SF3B1: variants seen among roughly 807,000 people sequenced by gnomAD.
The protein encoded by SF3B1 is pre-mRNA processing 10.
A neutral mutation model predicts 153.8 loss-of-function variants in SF3B1; 12 were observed. The ratio of observed to expected loss-of-function variants is 0.08; its 90% CI spans 0.05 to 0.13. The LOEUF (loss-of-function observed/expected upper bound fraction) is 0.13. Ranked by LOEUF, SF3B1 falls within the 10% of genes least tolerant of loss-of-function variation. SF3B1 has a pLI of 1.00. For synonymous variants in SF3B1, 498 were observed against 525.2 expected, an observed-to-expected ratio of 0.95 and a Z score of 0.71; for missense variants, 513 against 1,606.1, an observed-to-expected ratio of 0.32 and a Z score of 11.63.
At chr2:197,430,892 T>C (rs557964442) in intron 1 of SF3B1, among the ~76,000 whole-genome samples, 7 of 152,286 alleles carry the variant, frequency 4.6e-5, no homozygotes, top group African/African-American at 1.7e-4. Context: ...GTTTGCAGTC[T>C]CAAGCAATCC....
chr2:197,425,074 T>C (rs1313445420), intron 1 of SF3B1, among the ~76,000 whole-genome samples: 1 of 151,922 alleles, frequency 6.6e-6, no homozygotes, highest in Non-Finnish European at 1.5e-5. Context: ...CAGAACTGCT[T>C]GAACCCGGGA....
At chr2:197,398,973 T>C (rs1393100847) in intron 20 of SF3B1, 1 of 1,118,092 alleles carries the variant, frequency 8.9e-7, no homozygotes, top group African/African-American at 1.6e-5. Flanking sequence ...CCTTACCCTT[T>C]AACTGCAAAA....
chr2:197,395,885 T>A (rs2084869895), intron 23 of SF3B1, among the ~76,000 whole-genome samples, 171 bp downstream of exon 23: 1 of 152,238 alleles, frequency 6.6e-6, no homozygotes, highest in South Asian at 2.1e-4. Flanking sequence ...CACTACAGCG[T>A]GCACATTATT....
intron 1 of SF3B1, among the ~76,000 whole-genome samples, chr2:197,431,976 T>C (rs1252859504): frequency 6.6e-6 from 1 of 151,818 alleles, no homozygotes; most frequent in Non-Finnish European, 1.5e-5. Flanking sequence ...ATTGTAAAAA[T>C]TAGCCAGGCA....
At chr2:197,410,270 T>C (rs1399038066) in intron 6 of SF3B1, among the ~76,000 whole-genome samples, 3 of 152,120 alleles carry the variant, frequency 2.0e-5, no homozygotes, top group African/African-American at 7.2e-5. Context: ...ATATGAATCT[T>C]TGATATGCCA....
intron 1 of SF3B1, among the ~76,000 whole-genome samples, chr2:197,432,643 G>A (rs1208020979): frequency 4.6e-5 from 7 of 152,194 alleles, no homozygotes; most frequent in African/African-American, 1.7e-4. Flanking sequence ...GCCAAGGTGG[G>A]AGGATCACTT....
intron 2 of SF3B1, among the ~76,000 whole-genome samples, chr2:197,422,546 TATAATA>T (rs901025641): frequency 6.6e-6 from 1 of 151,624 alleles, no homozygotes; most frequent in African/African-American, 2.4e-5. Flanking sequence ...GAATTTAAAG[TATAATA>T]ATAATAAAAA....
At chr2:197,422,252 GAA>G (rs1030313374) in intron 2 of SF3B1, among the ~76,000 whole-genome samples, 1 of 145,674 alleles carries the variant, frequency 6.9e-6, no homozygotes. Flanking sequence ...TTTCTCTCAA[GAA>G]AAAAAAAAGA....
intron 22 of SF3B1, 181 bp downstream of exon 22, chr2:197,397,804 A>G (rs1410576185): frequency 8.6e-6 from 4 of 465,162 alleles, no homozygotes; most frequent in Non-Finnish European, 1.5e-5. Context: ...CTCAAAAAAA[A>G]AAAAAAAGAA....
In SF3B1 at chr2:197,421,128, G is replaced by C. The variant is rs148227154; in HGVS notation, c.201C>G (p.Asp67Glu). Residue 67 changes from aspartate (D) to glutamate (E), a missense_variant, in exon 3 of 25, where the codon GAC becomes GAG. Around this residue, in one of 21 missense-constraint regions of SF3B1, gnomAD observed 14 missense variants for 54.8 expected, o/e 0.26. Coordinates refer to ENST00000335508, the MANE Select transcript of SF3B1 (RefSeq NM_012433.4). ...SIAATELEDD[D>E]DDYSSSTSLL... is the part of the protein sequence containing the mutation. ...AACTCGTAGATGATGAATAGTCATC[G>C]TCATCCTGCAATGAAAACCCCCCAA... 6.2e-7 allele frequency: 1 copy of C among 1,605,250 alleles called. No individual in the cohort carries two copies. Among genetic ancestry groups the C allele is most frequent in the Non-Finnish European group, 8.5e-7 (1 of 1,173,184 alleles).
Position 197,435,023 on chromosome 2 carries a change from G to T in SF3B1, c.-24C>A, listed in dbSNP as rs370666718. 1 of 1,614,250 alleles carries T rather than the reference G, an allele frequency of 6.2e-7. No homozygotes were observed. The highest frequency in any genetic ancestry group is 1.1e-5 in the South Asian group (1 of 91,090). On this transcript the variant is annotated 5_prime_UTR_variant, in exon 1 of 25. Coordinates refer to ENST00000335508, the MANE Select transcript of SF3B1 (RefSeq NM_012433.4). ...ATTTTGTCCACTCGAACACACAGAC[G>T]GAACTGGCGCTCCCAAGAACTTCCG...
chr2:197,423,938 T>C lies in SF3B1; in HGVS notation c.65A>G (p.Lys22Arg), dbSNP rs765775783. The C allele has an allele frequency of 1.2e-6, 2 of 1,610,796 alleles. No individual in the cohort carries two copies. The highest frequency in any genetic ancestry group is 1.7e-6 in the Non-Finnish European group (2 of 1,179,304). Residue 22 changes from lysine (K) to arginine (R), a missense_variant, in exon 2 of 25, where the codon AAG becomes AGG. Transcript: ENST00000335508. The stretch of plus-strand genomic sequence containing the variant: ...TCCTTGAGCTTCATCAAGAGCTGCC[T>C]TCTTGCCTTGAATTTCTCGAATCTG... The part of the protein sequence containing the change: ...EAQIREIQGK[K>R]AALDEAQGVG...
chr2:197,408,492 T>G lies in SF3B1; in HGVS notation c.994A>C (p.Ser332Arg). ...TCATCCCACCGTGATTTTCTTTTAC[T>G]GGCTCCAGGAGTCGGTGTTTCACCA... ...SIGETPTPGA[S>R]KRKSRWDETP... The change falls in exon 8 of 25, where the codon AGT (serine) becomes CGT (arginine). Residue 332 changes from serine to arginine, a missense_variant. This residue lies in a region of SF3B1 where 91 missense variants were observed against 157.4 expected (regional missense o/e 0.58). Transcript: ENST00000335508. 1 of 1,613,934 alleles carries G rather than the reference T, an allele frequency of 6.2e-7. No homozygotes were observed. Among genetic ancestry groups the G allele is most frequent in the Non-Finnish European group, 8.5e-7 (1 of 1,179,938 alleles).
Position 197,392,207 on chromosome 2 carries a change from A to G in SF3B1, c.*96T>C, listed in dbSNP as rs1164429015. ...TAGCTCTTCCTCTATGACCAGTTCT[A>G]CACTGATCTGCAATGTTTAAAAGTT... On this transcript the variant is annotated 3_prime_UTR_variant, in exon 25 of 25. Coordinates refer to ENST00000335508, the MANE Select transcript of SF3B1 (RefSeq NM_012433.4). 3.2e-6 allele frequency: 2 copies of G among 632,488 alleles called. No individual in the cohort carries two copies. Among genetic ancestry groups the G allele is most frequent in the African/African-American group, 3.7e-5 (2 of 54,210 alleles). The allele number at this position is 632,488 out of a possible 1,614,324, so 39.2% of individuals were successfully genotyped here. A position where few individuals can be genotyped will look rare whatever the true frequency, so the allele number is the denominator to read the frequency against.
chr2:197,424,007 C>T (rs2085290613), intron 1 of SF3B1, 33 bp from the exon 2 acceptor site: 2 of 1,574,512 alleles, frequency 1.3e-6, no homozygotes, highest in East Asian at 2.2e-5. Flanking sequence ...TTCTTAATTT[C>T]ACTTTCCAAA....
intron 1 of SF3B1, among the ~76,000 whole-genome samples, chr2:197,431,399 T>C (rs577858552): frequency 6.6e-6 from 1 of 152,252 alleles, no homozygotes; most frequent in Admixed American, 6.5e-5. Context: ...GGATTATAGG[T>C]GTGAGACACC....
intron 23 of SF3B1, among the ~76,000 whole-genome samples, chr2:197,394,677 G>T (rs1168748587): frequency 6.6e-6 from 1 of 152,154 alleles, no homozygotes; most frequent in East Asian, 1.9e-4. Context: ...ATGCCAAGGC[G>T]GGTAGATCAC....
chr2:197,422,906 T>G (rs1243405399), intron 2 of SF3B1, among the ~76,000 whole-genome samples: 5 of 151,554 alleles, frequency 3.3e-5, no homozygotes, highest in Non-Finnish European at 5.9e-5. Context: ...AGTTTGATAA[T>G]CTATATACAT....
In SF3B1 at chr2:197,402,458, T is replaced by C. The variant is rs1370082669; in HGVS notation, c.2077+98A>G. ...CTACTAAGGAGGCTGAGCAGGAGGA[T>C]CACTTGAGCCCAAAGGTTTGAGTCC... On this transcript the variant is annotated intron_variant, in intron 14 of 24. Coordinates refer to ENST00000335508, the MANE Select transcript of SF3B1 (RefSeq NM_012433.4). The surrounding 1 kb of genome is among the most constrained non-coding windows in gnomAD (Gnocchi z 4.6). The C allele has an allele frequency of 3.8e-6, 4 of 1,049,416 alleles. No individual in the cohort carries two copies. In the Admixed American group the frequency reaches 1.0e-4, roughly 26 times the overall value. The allele number at this position is 1,049,416 out of a possible 1,614,324, so 65.0% of individuals were successfully genotyped here. A position where few individuals can be genotyped will look rare whatever the true frequency, so the allele number is the denominator to read the frequency against.
Sources: allele counts gnomAD v4.1 joint callset (sites outside exome capture counted in the v4.1 genomes callset), GRCh38; gene constraint gnomAD v4.1.1; regional missense constraint gnomAD v4.1.1; non-coding constraint Gnocchi (gnomAD v3.1); transcripts MANE v1.5; gene names NCBI Gene and HGNC (gene_info 2026-07-23, HGNC 2026-07-21).